Variants in ACAP1 observed in about 807,000 individuals in gnomAD.
ACAP1 encodes ArfGAP with coiled-coil, ankyrin repeat and PH domains 1.
In ACAP1, 45 loss-of-function variants were observed where a neutral mutation model predicts 98.8. The observed-to-expected ratio is 0.46, with a 90% CI of 0.36 to 0.58. The LOEUF (loss-of-function observed/expected upper bound fraction) is 0.58. Among genes scored for constraint, ACAP1 ranks in the 20% least tolerant of loss-of-function variants. The pLI, the probability that ACAP1 is intolerant of heterozygous loss-of-function variation, is 0.00. For synonymous variants in ACAP1, 362 were observed against 375.3 expected (o/e 0.96, Z 0.41); for missense variants, 735 against 971.4 (o/e 0.76, Z 3.24).
At chr17:7,348,624 T>G in intron 17 of ACAP1, 149 bp downstream of exon 17, 2 of 880,954 alleles carry the variant, frequency 2.3e-6, no homozygotes, top group South Asian at 2.4e-5. Flanking sequence ...TACGGTGGAG[T>G]GTGACATTAA....
intron 2 of ACAP1, among the ~76,000 whole-genome samples, chr17:7,339,923 T>G (rs2143016070): frequency 6.6e-6 from 1 of 152,180 alleles, no homozygotes; most frequent in Non-Finnish European, 1.5e-5. Flanking sequence ...AATCATACAC[T>G]ATGTGACCCT....
intron 3 of ACAP1, 97 bp downstream of exon 3, chr17:7,342,164 C>A: frequency 6.2e-7 from 1 of 1,607,284 alleles, no homozygotes; most frequent in Admixed American, 1.7e-5. Flanking sequence ...AGGTTCCAGG[C>A]CACAGCAGGG....
chr17:7,348,647 A>C, intron 17 of ACAP1, 172 bp downstream of exon 17: 2 of 662,636 alleles, frequency 3.0e-6, no homozygotes, highest in East Asian at 3.6e-5. Context: ...ATGAGAAGGA[A>C]TGTGGGGCTG....
At chr17:7,341,832 G>C in intron 2 of ACAP1, 116 bp from the exon 3 acceptor site, 2 of 1,480,368 alleles carry the variant, frequency 1.4e-6, no homozygotes, top group South Asian at 1.3e-5. Context: ...AGTGAGGCCA[G>C]GCAGGAATAG....
Position 7,350,423 on chromosome 17 carries a change from A to T in ACAP1, c.2072+186A>T. Reference sequence around the variant, plus strand: ...GCGCGAAGTGTGCACTGGGACGTGGAGTAGAAGGCAGGCGGGAGGGCGGGC... The same window carrying T: ...GCGCGAAGTGTGCACTGGGACGTGGTGTAGAAGGCAGGCGGGAGGGCGGGC... On this transcript the variant is annotated intron_variant, in intron 20 of 21. Coordinates refer to ENST00000158762, the MANE Select transcript of ACAP1 (RefSeq NM_014716.4). The surrounding 1 kb of genome is among the most constrained non-coding windows in gnomAD (Gnocchi z 4.6). 4 of 407,240 alleles carry T rather than the reference A, an allele frequency of 9.8e-6. No individual in the cohort carries two copies. The highest frequency in any genetic ancestry group is 1.9e-5 in the Non-Finnish European group (4 of 215,548). 25.2% of individuals were successfully genotyped at this position (407,240 alleles called of 1,614,324 possible).
At chr17:7,346,019 A>G in intron 10 of ACAP1, 1 of 532,448 alleles carries the variant, frequency 1.9e-6, no homozygotes, top group Non-Finnish European at 3.4e-6. Context: ...TCTGCTGGAA[A>G]GTTGTCTTCA....
intron 3 of ACAP1, 33 bp downstream of exon 3, chr17:7,342,100 G>T (rs780442141): frequency 1.2e-6 from 2 of 1,611,928 alleles, no homozygotes; most frequent in Non-Finnish European, 1.7e-6. Context: ...GGAGGGAAGG[G>T]GTCTGGGATG....
At position 7,342,342 on chromosome 17, in the gene ACAP1, G is replaced by A. The variant is rs76630069; in HGVS notation, c.285+14G>A. On this transcript the variant is annotated intron_variant, in intron 4 of 21. Coordinates refer to ENST00000158762, the MANE Select transcript of ACAP1 (RefSeq NM_014716.4). ...GACAGCCATGCGGTAAGTAGGGGAA[G>A]GTAAGGATTGTCGGGGTGGTGGCCA... is the stretch of plus-strand genomic sequence containing the variant. The A allele has an allele frequency of 3.4e-3, 5,540 of 1,614,130 alleles. 166 individuals carry two copies. The African/African-American group carries it at 0.064, about 19-fold the overall frequency.
chr17:7,348,708 G>C, intron 17 of ACAP1: 2 of 588,352 alleles, frequency 3.4e-6, no homozygotes, highest in Non-Finnish European at 2.9e-6. Context: ...AAAGGAGAGA[G>C]AGAGGGGGTG....
At chr17:7,339,480 C>T (rs1005702118) in intron 2 of ACAP1, among the ~76,000 whole-genome samples, 2 of 150,162 alleles carry the variant, frequency 1.3e-5, no homozygotes, top group South Asian at 2.1e-4. Flanking sequence ...CGTGGTGGCA[C>T]GCACCTGTAA....
In ACAP1 at chr17:7,336,547, G is replaced by A. The variant is rs1272224943; in HGVS notation, c.-188G>A. 2.0e-5 allele frequency: 12 copies of A among 602,226 alleles called. No homozygotes were observed. The highest frequency in any genetic ancestry group is 5.5e-5 in the South Asian group (3 of 54,080). The allele number at this position is 602,226 out of a possible 1,614,324, so 37.3% of individuals were successfully genotyped here. A position where few individuals can be genotyped will look rare whatever the true frequency, so the allele number is the denominator to read the frequency against. On this transcript the variant is annotated 5_prime_UTR_variant, in exon 1 of 22. Transcript: ENST00000158762. ...CCCTCCCAGCACTGCCTGGAAGTGT[G>A]GGGTGAGAGCTCCTCCTAGGACACC...
chr17:7,342,747 G>GA (rs962930968), intron 5 of ACAP1: 7,457 of 385,658 alleles, frequency 0.019, no homozygotes, highest in South Asian at 0.026. Flanking sequence ...TAAAAAATAC[G>GA]AAAAAAAAAA....
At position 7,343,382 on chromosome 17, in the gene ACAP1, T is replaced by C. The variant is rs578120598; in HGVS notation, c.348T>C (p.Gly116=). The change falls in exon 6 of 22, where the codon GGT becomes GGC. Residue 116 remains glycine, a synonymous_variant. Transcript: ENST00000158762. This position sits in a 1 kb window ranked among gnomAD's most constrained non-coding sequence, Gnocchi z 4.9. ...TGTGTTATTTTCCCATCCTCAGAGGTCTGCGGGGTTTCCGAGAGGCTCGCC... is the reference window on the plus strand; with the variant it reads ...TGTGTTATTTTCCCATCCTCAGAGGCCTGCGGGGTTTCCGAGAGGCTCGCC... ...QQQIQTLVKE[G]LRGFREARRD... is the part of the protein sequence containing the mutation. 1.9e-6 allele frequency: 3 copies of C among 1,612,154 alleles called. No homozygotes were observed. Among genetic ancestry groups the C allele is most frequent in the Admixed American group, 1.7e-5 (1 of 59,834 alleles).
In ACAP1 at chr17:7,338,997, A is replaced by T. The variant is rs551208729; in HGVS notation, c.111+1628A>T. 5.3e-4 allele frequency among the ~76,000 whole-genome samples: 81 copies of T among 152,156 alleles called. 1 individual carries two copies. The highest frequency in any genetic ancestry group is 1.8e-3 in the African/African-American group (76 of 41,560). On this transcript the variant is annotated intron_variant, in intron 2 of 21. Transcript: ENST00000158762. ...ACATTAATAGTGTCACATTACAATT[A>T]ACAATAAACTCGGCCAGGTGTGGTG...
Position 7,337,376 on chromosome 17 carries a change from C to G in ACAP1, c.111+7C>G, listed in dbSNP as rs747043193. On this transcript the variant is annotated splice_region_variant and intron_variant, in intron 2 of 21. Coordinates refer to ENST00000158762, the MANE Select transcript of ACAP1 (RefSeq NM_014716.4). ...GGAGACCCGTCTGGAAAAGGTGACC[C>G]TGACATGGAGAGGTGACCCAGGAGT... 29 of 1,613,858 alleles carry G rather than the reference C, an allele frequency of 1.8e-5. No homozygotes were observed. The highest frequency in any genetic ancestry group is 2.5e-5 in the Non-Finnish European group (29 of 1,179,868).
intron 2 of ACAP1, among the ~76,000 whole-genome samples, chr17:7,337,819 A>G (rs1309588274): frequency 6.6e-6 from 1 of 151,912 alleles, no homozygotes; most frequent in Admixed American, 6.6e-5. Flanking sequence ...GCACCACTGC[A>G]CTCCAGGCTA....
Position 7,346,808 on chromosome 17 carries a change from G to A in ACAP1, c.1008G>A (p.Lys336=), listed in dbSNP as rs1181388051. Residue 336 remains lysine (K), a splice_region_variant and synonymous_variant, in exon 13 of 22, where the codon AAG becomes AAA. Transcript: ENST00000158762. ...RFCFEVVSTS[K]SCLLQADSER... ...CCATCTCCCTCACCCTCCTACCTAG[G>A]TCCTGCCTCCTCCAGGCTGACTCAG... 1 of 1,611,832 alleles carries A rather than the reference G, an allele frequency of 6.2e-7. No individual in the cohort carries two copies. Among genetic ancestry groups the A allele is most frequent in the African/African-American group, 1.3e-5 (1 of 74,858 alleles).
At position 7,351,454 on chromosome 17, in the gene ACAP1, T is replaced by A; in HGVS notation, c.*59T>A. 3 of 1,295,318 alleles carry A rather than the reference T, an allele frequency of 2.3e-6. No homozygotes were observed. Among genetic ancestry groups the A allele is most frequent in the Non-Finnish European group, 3.3e-6 (3 of 914,444 alleles). The allele number at this position is 1,295,318 out of a possible 1,614,324, so 80.2% of individuals were successfully genotyped here. A position where few individuals can be genotyped will look rare whatever the true frequency, so the allele number is the denominator to read the frequency against. On this transcript the variant is annotated 3_prime_UTR_variant, in exon 22 of 22. Transcript: ENST00000158762. The stretch of plus-strand genomic sequence containing the variant: ...TCCCCGCCACCGGGCCCTCTGCCAT[T>A]AAAGCCTCCGTGCTTCGCTCTTCCC...
intron 14 of ACAP1, 121 bp from the exon 15 acceptor site, chr17:7,347,801 C>T (rs868386146): frequency 3.8e-6 from 3 of 788,020 alleles, no homozygotes; most frequent in Middle Eastern, 3.6e-4. Context: ...GCCTCCTGGG[C>T]CAGCACCTCT....
Sources: gnomAD v4.1 joint callset for allele counts (sites outside exome capture counted in the v4.1 genomes callset) on GRCh38, gnomAD v4.1.1 for gene constraint, Gnocchi (gnomAD v3.1) non-coding constraint, MANE v1.5 for transcripts, NCBI Gene and HGNC (gene_info 2026-07-23, HGNC 2026-07-21) for gene names.